Variants in BCR observed in about 807,000 individuals in gnomAD.
The protein encoded by BCR is BCR activator of RhoGEF and GTPase, also known as breakpoint cluster region protein.
BCR carries 58 observed loss-of-function variants against 138.6 expected under a neutral mutation model. The ratio of observed to expected loss-of-function variants is 0.42; its 90% CI spans 0.34 to 0.52. The LOEUF is 0.52. Ranked by LOEUF, BCR falls within the 20% of genes least tolerant of loss-of-function variation. BCR has a pLI of 0.06. For missense variants in BCR, 1,599 were observed against 1,727.2 expected, an observed-to-expected ratio of 0.93 and a Z score of 1.32; for synonymous variants, 786 against 730.1, an observed-to-expected ratio of 1.08 and a Z score of -1.23.
At chr22:23,242,557 A>T (rs2073105431) in intron 1 of BCR, among the ~76,000 whole-genome samples, 1 of 152,204 alleles carries the variant, frequency 6.6e-6, no homozygotes, top group South Asian at 2.1e-4. Flanking sequence ...GAAAGCCGGC[A>T]GCTGAGTCAG....
chr22:23,275,949 A>G (rs1170251214), intron 8 of BCR, among the ~76,000 whole-genome samples: 1 of 152,176 alleles, frequency 6.6e-6, no homozygotes, highest in Non-Finnish European at 1.5e-5. Context: ...TGCTCGGATC[A>G]TTGGAATCCA....
rs573141876 is a variant in BCR at position 23,181,666 on chromosome 22, T to C, written c.706T>C (p.Ser236Pro). The change falls in exon 1 of 23, where the codon TCG becomes CCG. Residue 236 changes from serine to proline, a missense_variant. Transcript: ENST00000305877. ...CAGGCCCCCTTACCGGGGACGCTCC[T>C]CGGAGAGCAGCTGCGGCGTCGACGG... ...ASRPPYRGRS[S>P]ESSCGVDGDY... 5 of 1,607,464 alleles carry C rather than the reference T, an allele frequency of 3.1e-6. No individual in the cohort carries two copies. Among genetic ancestry groups the C allele is most frequent in the African/African-American group, 1.3e-5 (1 of 75,040 alleles).
At chr22:23,191,632 C>T (rs910901720) in intron 1 of BCR, among the ~76,000 whole-genome samples, 2 of 152,152 alleles carry the variant, frequency 1.3e-5, no homozygotes, top group African/African-American at 2.4e-5. Context: ...GGATGGGCCA[C>T]ACTCTGGCCC....
chr22:23,313,907 C>A, intron 20 of BCR, 61 bp from the exon 21 acceptor site: 1 of 1,365,422 alleles, frequency 7.3e-7, no homozygotes, highest in Non-Finnish European at 1.0e-6. Flanking sequence ...TCCATGTGAA[C>A]ACCTCGGGAG....
At chr22:23,223,371 C>T (rs2072850402) in intron 1 of BCR, among the ~76,000 whole-genome samples, 1 of 152,138 alleles carries the variant, frequency 6.6e-6, no homozygotes, top group African/African-American at 2.4e-5. Context: ...AGTGCATGTG[C>T]CTGTGTGTGG....
At chr22:23,269,102 A>G (rs2073479226) in intron 5 of BCR, among the ~76,000 whole-genome samples, 1 of 152,220 alleles carries the variant, frequency 6.6e-6, no homozygotes, top group African/African-American at 2.4e-5. Context: ...ACCTCAAACC[A>G]TGTGGTGTTA....
intron 1 of BCR, among the ~76,000 whole-genome samples, chr22:23,229,881 GAA>G (rs1439972358): frequency 6.6e-6 from 1 of 152,140 alleles, no homozygotes; most frequent in Non-Finnish European, 1.5e-5. Context: ...GTGTAGAGTG[GAA>G]AGAGTCCACG....
intron 1 of BCR, among the ~76,000 whole-genome samples, chr22:23,235,520 T>C (rs976817382): frequency 1.6e-5 from 2 of 122,032 alleles, no homozygotes; most frequent in Non-Finnish European, 4.0e-5. Context: ...AGGACATAGA[T>C]GTCCAGGCCC....
At chr22:23,210,634 T>C (rs2072670602) in intron 1 of BCR, among the ~76,000 whole-genome samples, 1 of 152,150 alleles carries the variant, frequency 6.6e-6, no homozygotes, top group Non-Finnish European at 1.5e-5. Context: ...TACCCCTTGT[T>C]CCTTGTAGGC....
At chr22:23,186,413 A>G (rs1403327146) in intron 1 of BCR, among the ~76,000 whole-genome samples, 1 of 152,246 alleles carries the variant, frequency 6.6e-6, no homozygotes, top group Non-Finnish European at 1.5e-5. Flanking sequence ...AAGCAGGGGA[A>G]CATTTTAACC....
chr22:23,273,268 C>T (rs2073530621), intron 7 of BCR, 135 bp downstream of exon 7: 3 of 980,636 alleles, frequency 3.1e-6, no homozygotes, highest in East Asian at 2.6e-5. Context: ...TGGGTAGAGG[C>T]CTGGGGTGGT....
At chr22:23,218,495 A>T (rs1400615348) in intron 1 of BCR, among the ~76,000 whole-genome samples, 5 of 152,086 alleles carry the variant, frequency 3.3e-5, no homozygotes, top group African/African-American at 1.2e-4. Context: ...CCACTGTGGG[A>T]CCGGAGAGCT....
intron 1 of BCR, among the ~76,000 whole-genome samples, chr22:23,242,614 G>C (rs886973595): frequency 1.3e-5 from 2 of 152,212 alleles, no homozygotes; most frequent in Non-Finnish European, 2.9e-5. Context: ...GCCCCTGCTG[G>C]TTGAAGGCTC....
rs1249697902 is a variant in BCR, at chr22:23,273,666, T to A, written c.2007T>A (p.Pro669=). 6.2e-7 allele frequency: 1 copy of A among 1,614,068 alleles called. No homozygotes were observed. The highest frequency in any genetic ancestry group is 2.2e-5 in the East Asian group (1 of 44,884). Residue 669 remains proline, a synonymous_variant, in exon 8 of 23, where the codon CCT becomes CCA. Transcript: ENST00000305877. ...DLLKHTPASH[P]DHPLLQDALR... The stretch of plus-strand genomic sequence containing the variant: ...TGAAGCACACTCCTGCCAGCCACCC[T>A]GACCACCCCTTGCTGCAGGACGCCC...
chr22:23,188,033 T>G (rs1317123645), intron 1 of BCR, among the ~76,000 whole-genome samples: 5 of 152,200 alleles, frequency 3.3e-5, no homozygotes, highest in Admixed American at 3.3e-4. Context: ...GCAACCAGTT[T>G]GAGTGAGTAA....
At chr22:23,242,707 C>T (rs2073107082) in intron 1 of BCR, 21 of 327,346 alleles carry the variant, frequency 6.4e-5, no homozygotes, top group South Asian at 5.1e-4. Context: ...TTATCTCTGT[C>T]CTCAGACTCC....
At chr22:23,314,204 T>C in intron 21 of BCR, 131 bp downstream of exon 21, 2 of 737,626 alleles carry the variant, frequency 2.7e-6, no homozygotes, top group Non-Finnish European at 4.6e-6. Context: ...TCACTGCCTT[T>C]GGCGACTAGT....
At chr22:23,191,826 T>G (rs1246586918) in intron 1 of BCR, among the ~76,000 whole-genome samples, 1 of 152,178 alleles carries the variant, frequency 6.6e-6, no homozygotes, top group African/African-American at 2.4e-5. Context: ...GGTGGGTTTT[T>G]GGGGGCCTAG....
intron 1 of BCR, among the ~76,000 whole-genome samples, chr22:23,231,116 G>A (rs1020997294): frequency 3.9e-5 from 6 of 152,096 alleles, no homozygotes; most frequent in East Asian, 3.9e-4. Context: ...GTAGATGCTC[G>A]GGAAATGGAA....
Sources: allele counts gnomAD v4.1 joint callset (sites outside exome capture counted in the v4.1 genomes callset), GRCh38; gene constraint gnomAD v4.1.1; transcripts MANE v1.5; gene names NCBI Gene and HGNC (gene_info 2026-07-23, HGNC 2026-07-21).